ANK3: variants seen among roughly 807,000 people sequenced by gnomAD.
ANK3 encodes ankyrin 3, also known as ankyrin-3.
ANK3 carries 57 observed loss-of-function variants against 370.9 expected under a neutral mutation model. The ratio of observed to expected loss-of-function variants is 0.15; its 90% CI spans 0.12 to 0.19. ANK3 has a LOEUF of 0.19. Among genes scored for constraint, ANK3 ranks in the 10% least tolerant of loss-of-function variants. The pLI is 1.00. For missense variants in ANK3, 4,439 were observed against 5,302.1 expected (o/e 0.84, Z 5.06); for synonymous variants, 1,929 against 1,946.3 (o/e 0.99, Z 0.23).
chr10:60,356,969 A>C (rs1180789542), intron 1 of ANK3, among the ~76,000 whole-genome samples: 1 of 152,126 alleles, frequency 6.6e-6, no homozygotes, highest in East Asian at 1.9e-4. Flanking sequence ...TTGGCCTCCT[A>C]AAATTCTGGG....
chr10:60,240,119 C>CACACATATATATACATATATAT (rs1565914439), intron 7 of ANK3, among the ~76,000 whole-genome samples: 5 of 111,532 alleles, frequency 4.5e-5, no homozygotes, highest in Non-Finnish European at 6.9e-5. Context: ...CATATATATA[C>CACACATATATATACATATATAT]ACACATATAT....
chr10:60,247,761 G>A (rs577774948), intron 7 of ANK3, among the ~76,000 whole-genome samples: 3 of 152,170 alleles, frequency 2.0e-5, no homozygotes, highest in South Asian at 4.1e-4. Flanking sequence ...TCCGCCTCCC[G>A]AGTCCACGTG....
At chr10:60,201,967 G>C (rs1262128351) in intron 12 of ANK3, among the ~76,000 whole-genome samples, 2 of 151,776 alleles carry the variant, frequency 1.3e-5, no homozygotes, top group South Asian at 4.2e-4. Flanking sequence ...CACCCATCTC[G>C]GCCTCCCAAA....
chr10:60,554,631 T>C (rs2077166867), intron 2 of ANK3, among the ~76,000 whole-genome samples: 1 of 152,142 alleles, frequency 6.6e-6, no homozygotes, highest in African/African-American at 2.4e-5. Context: ...CCAAACTTCG[T>C]CCAATAGATG....
chr10:60,421,764 C>T (rs2063784250), intron 2 of ANK3, among the ~76,000 whole-genome samples: 1 of 152,022 alleles, frequency 6.6e-6, no homozygotes, highest in Non-Finnish European at 1.5e-5. Flanking sequence ...TAAAATCCAA[C>T]CACACTCTTA....
intron 1 of ANK3, among the ~76,000 whole-genome samples, chr10:60,675,142 T>C (rs977084238): frequency 2.0e-4 from 31 of 152,256 alleles, no homozygotes; most frequent in African/African-American, 7.2e-4. Context: ...GGTCAAGTTT[T>C]ATGTTTTTAC....
At chr10:60,573,074 G>C (rs923226884) in intron 2 of ANK3, 1 of 867,352 alleles carries the variant, frequency 1.2e-6, no homozygotes. Context: ...TGTGTTGAAT[G>C]CATCAGGGCA....
At chr10:60,124,738 G>C (rs2093671024) in intron 25 of ANK3, among the ~76,000 whole-genome samples, 1 of 152,188 alleles carries the variant, frequency 6.6e-6, no homozygotes, top group South Asian at 2.1e-4. Context: ...CTAGTGGCCA[G>C]CAGGAGAATG....
At chr10:60,276,087 C>T (rs541986518) in intron 4 of ANK3, among the ~76,000 whole-genome samples, 293 of 152,190 alleles carry the variant, frequency 1.9e-3, no homozygotes, top group African/African-American at 6.7e-3. Context: ...AAGATCAAGG[C>T]AATGACAAAA....
chr10:60,115,692 C>T (rs1003185263), intron 25 of ANK3, among the ~76,000 whole-genome samples: 1 of 151,642 alleles, frequency 6.6e-6, no homozygotes, highest in Non-Finnish European at 1.5e-5. Flanking sequence ...TTTACTTAGA[C>T]ACAATATAAA....
At chr10:60,280,533 A>G (rs1218483691) in intron 1 of ANK3, among the ~76,000 whole-genome samples, 1 of 152,238 alleles carries the variant, frequency 6.6e-6, no homozygotes, top group Non-Finnish European at 1.5e-5. Flanking sequence ...AACTACTGCT[A>G]AACTCTAACA....
chr10:60,047,638 A>T (rs1313066517), intron 42 of ANK3, among the ~76,000 whole-genome samples: 1 of 152,238 alleles, frequency 6.6e-6, no homozygotes, highest in Non-Finnish European at 1.5e-5. Flanking sequence ...AGAAACATAC[A>T]TGTAAGCTCT....
At chr10:60,704,633 A>G (rs1356956296) in intron 1 of ANK3, among the ~76,000 whole-genome samples, 1 of 152,202 alleles carries the variant, frequency 6.6e-6, no homozygotes, top group Non-Finnish European at 1.5e-5. Flanking sequence ...AAGAAACACT[A>G]CAAAGAGGAA....
At chr10:60,518,277 G>GA (rs1355170545) in intron 2 of ANK3, among the ~76,000 whole-genome samples, 10 of 152,044 alleles carry the variant, frequency 6.6e-5, no homozygotes, top group African/African-American at 2.4e-4. Context: ...TGTCAAAAGA[G>GA]AAAAAATAGC....
chr10:60,200,090 T>C, intron 13 of ANK3, 39 bp downstream of exon 13: 1 of 1,529,680 alleles, frequency 6.5e-7, no homozygotes, highest in Non-Finnish European at 9.0e-7. Context: ...TCCAACAGTT[T>C]TTCCTCAATT....
chr10:60,334,992 T>C (rs757938027), intron 1 of ANK3, among the ~76,000 whole-genome samples: 2 of 152,118 alleles, frequency 1.3e-5, no homozygotes, highest in African/African-American at 2.4e-5. Flanking sequence ...CTTATATTTA[T>C]ATTCCCACTA....
chr10:60,198,612 A>G, intron 13 of ANK3, 75 bp from the exon 14 acceptor site: 1 of 1,360,362 alleles, frequency 7.4e-7, no homozygotes. Context: ...TTCAGGGAAT[A>G]TTAGCTGCTT....
intron 23 of ANK3, chr10:60,140,758 G>GT: frequency 9.3e-7 from 1 of 1,079,654 alleles, no homozygotes; most frequent in East Asian, 7.0e-5. Flanking sequence ...TGAGTTATTT[G>GT]TATGTAAATA....
chr10:60,322,120 T>C (rs938006208), intron 1 of ANK3, among the ~76,000 whole-genome samples: 1 of 152,164 alleles, frequency 6.6e-6, no homozygotes, highest in Admixed American at 6.5e-5. Flanking sequence ...GGTATAAGCT[T>C]GATGGGTTCT....
Sources: allele counts gnomAD v4.1 joint callset (sites outside exome capture counted in the v4.1 genomes callset), GRCh38; gene constraint gnomAD v4.1.1; transcripts MANE v1.5; gene names NCBI Gene and HGNC (gene_info 2026-07-23, HGNC 2026-07-21).